CPEB3: variants seen among roughly 807,000 people sequenced by gnomAD.
CPEB3 encodes the protein cytoplasmic polyadenylation element binding protein 3, also known as cytoplasmic polyadenylation element-binding protein 3.
A neutral mutation model predicts 67.2 loss-of-function variants in CPEB3; 20 were observed. The observed-to-expected ratio is 0.30, with a 90% CI of 0.21 to 0.43. The LOEUF (loss-of-function observed/expected upper bound fraction) is 0.43. Among genes scored for constraint, CPEB3 ranks in the 20% least tolerant of loss-of-function variants. The pLI is 1.00. For synonymous variants in CPEB3, 376 were observed against 393.1 expected (o/e 0.96, Z 0.51); for missense variants, 746 against 968.6 (o/e 0.77, Z 3.05).
intron 1 of CPEB3, among the ~76,000 whole-genome samples, chr10:92,289,256 G>A (rs1842682706): frequency 6.6e-6 from 1 of 151,748 alleles, no homozygotes; most frequent in South Asian, 2.1e-4. Flanking sequence ...AAATAAAATA[G>A]ACCAGGCGCG....
intron 6 of CPEB3, among the ~76,000 whole-genome samples, chr10:92,115,123 G>C (rs1282986348): frequency 1.3e-5 from 2 of 152,126 alleles, no homozygotes; most frequent in African/African-American, 4.8e-5. Flanking sequence ...AGTAGAGCCC[G>C]GGACCGCCGG....
intron 1 of CPEB3, among the ~76,000 whole-genome samples, chr10:92,253,090 A>G (rs1852367103): frequency 1.3e-5 from 2 of 152,154 alleles, no homozygotes; most frequent in African/African-American, 4.8e-5. Context: ...AATGATTGCT[A>G]GGGAACATAA....
At chr10:92,147,183 T>G (rs554649772) in intron 4 of CPEB3, among the ~76,000 whole-genome samples, 1 of 152,260 alleles carries the variant, frequency 6.6e-6, no homozygotes, top group South Asian at 2.1e-4. Context: ...TGGCCAGGCA[T>G]GGTGGCTCAT....
chr10:92,237,196 C>T (rs1281879699), intron 2 of CPEB3, among the ~76,000 whole-genome samples: 1 of 152,160 alleles, frequency 6.6e-6, no homozygotes, highest in East Asian at 1.9e-4. Context: ...CCAGCCAAAG[C>T]ACAACCAACT....
chr10:92,165,555 C>G (rs772364096), intron 4 of CPEB3, among the ~76,000 whole-genome samples: 5 of 151,998 alleles, frequency 3.3e-5, no homozygotes, highest in Admixed American at 1.3e-4. Flanking sequence ...ATTGACTCTT[C>G]TTTTCACAAA....
chr10:92,289,313 T>A (rs1236422502), intron 1 of CPEB3, among the ~76,000 whole-genome samples: 2 of 151,916 alleles, frequency 1.3e-5, no homozygotes, highest in Admixed American at 6.6e-5. Flanking sequence ...CGAGACGGGC[T>A]GATCGCCTGA....
intron 8 of CPEB3, among the ~76,000 whole-genome samples, chr10:92,089,507 C>G (rs1348888735): frequency 6.6e-6 from 1 of 152,148 alleles, no homozygotes; most frequent in African/African-American, 2.4e-5. Context: ...AGAACTTCGG[C>G]TGGGCACGGT....
At chr10:92,072,623 G>C (rs112186134) in intron 9 of CPEB3, among the ~76,000 whole-genome samples, 3 of 152,300 alleles carry the variant, frequency 2.0e-5, no homozygotes, top group African/African-American at 4.8e-5. Context: ...ATTGGAAAAA[G>C]CTAGGAATAG....
At chr10:92,108,846 T>C (rs1844596125) in intron 7 of CPEB3, among the ~76,000 whole-genome samples, 1 of 152,338 alleles carries the variant, frequency 6.6e-6, no homozygotes, top group East Asian at 1.9e-4. Context: ...CATGTGTTTC[T>C]ACTGAAAACA....
intron 2 of CPEB3, among the ~76,000 whole-genome samples, chr10:92,193,980 T>C (rs1849109714): frequency 2.6e-5 from 4 of 151,474 alleles, no homozygotes; most frequent in Non-Finnish European, 5.9e-5. Context: ...GTATTTTTAG[T>C]AGAAATGGGG....
chr10:92,137,186 T>A, intron 6 of CPEB3: 1 of 406,304 alleles, frequency 2.5e-6, no homozygotes. Flanking sequence ...ACTTGATAAT[T>A]GGCTCAAAAG....
rs563971446 is a variant in CPEB3 at position 92,179,674 on chromosome 10, A to G, written c.1222+1289T>C. On this transcript the variant is annotated intron_variant, in intron 4 of 9. Coordinates refer to ENST00000265997, the MANE Select transcript of CPEB3 (RefSeq NM_014912.5). ...CTTTGGAATTCTTATTGTCTCTAAGACCATCTCCCTAACCCTGCCAAAAGG... is the reference window on the plus strand; with the variant it reads ...CTTTGGAATTCTTATTGTCTCTAAGGCCATCTCCCTAACCCTGCCAAAAGG... 2.0e-5 allele frequency among the ~76,000 whole-genome samples: 3 copies of G among 152,328 alleles called. No individual in the cohort carries two copies. The South Asian group carries it at 6.2e-4, about 32-fold the overall frequency.
intron 4 of CPEB3, among the ~76,000 whole-genome samples, chr10:92,149,512 A>G (rs1451633483): frequency 6.6e-6 from 1 of 152,228 alleles, no homozygotes; most frequent in Admixed American, 6.5e-5. Context: ...TGCATGGCCA[A>G]CATAACCACA....
In CPEB3 at chr10:92,239,273, T is replaced by G; in HGVS notation, c.1005+73A>C. The G allele has an allele frequency of 6.7e-7, 1 of 1,492,654 alleles. No individual in the cohort carries two copies. The highest frequency in any genetic ancestry group is 9.1e-7 in the Non-Finnish European group (1 of 1,097,506). The allele number at this position is 1,492,654 out of a possible 1,614,324, so 92.5% of individuals were successfully genotyped here. ...CCCTTTTTAAATATAAGCGGGTGGA[T>G]GATTAAAAGTCAGAGAAGTGGCAAA... is the stretch of plus-strand genomic sequence containing the variant. On this transcript the variant is annotated intron_variant, in intron 2 of 9. Transcript: ENST00000265997. The surrounding 1 kb of genome is among the most constrained non-coding windows in gnomAD (Gnocchi z 6.0).
At chr10:92,260,754 G>A (rs1852760828) in intron 1 of CPEB3, among the ~76,000 whole-genome samples, 2 of 151,312 alleles carry the variant, frequency 1.3e-5, no homozygotes, top group South Asian at 2.1e-4. Context: ...GATTACAGGC[G>A]CACACCACCA....
intron 1 of CPEB3, among the ~76,000 whole-genome samples, chr10:92,286,243 T>G (rs570135105): frequency 6.6e-6 from 1 of 152,124 alleles, no homozygotes; most frequent in East Asian, 1.9e-4. Flanking sequence ...CCTGCTTTTA[T>G]TTTTCTAAAT....
At chr10:92,133,195 C>CA (rs1377511574) in intron 6 of CPEB3, among the ~76,000 whole-genome samples, 1 of 151,944 alleles carries the variant, frequency 6.6e-6, no homozygotes, top group Non-Finnish European at 1.5e-5. Context: ...GATAGAGACA[C>CA]AAAAAACCCT....
chr10:92,288,513 T>C (rs1370568708), intron 1 of CPEB3, among the ~76,000 whole-genome samples: 1 of 152,042 alleles, frequency 6.6e-6, no homozygotes, highest in African/African-American at 2.4e-5. Flanking sequence ...AACAAGATTT[T>C]GTGTAGACAT....
At chr10:92,156,050 C>T (rs964752540) in intron 4 of CPEB3, among the ~76,000 whole-genome samples, 2 of 152,100 alleles carry the variant, frequency 1.3e-5, no homozygotes, top group South Asian at 2.1e-4. Context: ...GCTAACGCTA[C>T]GTAGGGCCCA....
Sources: allele counts gnomAD v4.1 joint callset (sites outside exome capture counted in the v4.1 genomes callset), GRCh38; gene constraint gnomAD v4.1.1; non-coding constraint Gnocchi (gnomAD v3.1); transcripts MANE v1.5; gene names NCBI Gene and HGNC (gene_info 2026-07-23, HGNC 2026-07-21).